The following SLX4IP variants were observed in gnomAD, a reference collection of about 807,000 sequenced individuals.
SLX4IP encodes protein SLX4IP.
In SLX4IP, 34 loss-of-function variants were observed where a neutral mutation model predicts 32.9. That is an observed-to-expected ratio of 1.03 (90% CI 0.79 to 1.38). The LOEUF is 1.38. Ranked by LOEUF, SLX4IP falls within the 40% of genes most tolerant of loss-of-function variation. The pLI is 0.00. For missense variants in SLX4IP, 444 were observed against 479.0 expected, an observed-to-expected ratio of 0.93 and a Z score of 0.68; for synonymous variants, 172 against 171.7, an observed-to-expected ratio of 1.00 and a Z score of -0.01.
At chr20:10,481,534 CT>C (rs1464394789) in intron 2 of SLX4IP, among the ~76,000 whole-genome samples, 3 of 152,138 alleles carry the variant, frequency 2.0e-5, no homozygotes, top group Non-Finnish European at 4.4e-5. Context: ...ATTATGCAAA[CT>C]TTCTCACTGT....
At chr20:10,576,824 CA>C (rs1261141800) in intron 4 of SLX4IP, among the ~76,000 whole-genome samples, 4 of 152,030 alleles carry the variant, frequency 2.6e-5, no homozygotes, top group African/African-American at 9.7e-5. Context: ...AAGGGGACAC[CA>C]AAAATATGAT....
intron 2 of SLX4IP, among the ~76,000 whole-genome samples, chr20:10,495,952 G>A (rs7264882): frequency 0.13 from 20,329 of 151,196 alleles, 1,811 homozygotes; most frequent in Non-Finnish European, 0.2. Context: ...AATTTTTAAA[G>A]ACATTTGCTT....
intron 4 of SLX4IP, among the ~76,000 whole-genome samples, chr20:10,568,464 C>T (rs1334615076): frequency 6.6e-6 from 1 of 152,186 alleles, no homozygotes; most frequent in Non-Finnish European, 1.5e-5. Flanking sequence ...CTGTAGTTCT[C>T]CAGCTGAGAG....
At chr20:10,461,238 A>G (rs759879302) in intron 2 of SLX4IP, among the ~76,000 whole-genome samples, 8 of 152,260 alleles carry the variant, frequency 5.3e-5, no homozygotes, top group Non-Finnish European at 1.2e-4. Context: ...ATCCTGGTCA[A>G]CCATGAAACT....
chr20:10,559,548 C>T (rs1301384398), intron 3 of SLX4IP, among the ~76,000 whole-genome samples: 1 of 152,154 alleles, frequency 6.6e-6, no homozygotes, highest in Non-Finnish European at 1.5e-5. Context: ...AGTTCTTATA[C>T]ATCAGTTCTT....
intron 4 of SLX4IP, among the ~76,000 whole-genome samples, chr20:10,592,276 C>T (rs1431035834): frequency 3.9e-5 from 6 of 152,002 alleles, no homozygotes; most frequent in African/African-American, 1.5e-4. Context: ...ACTAGGATCC[C>T]GTATGTATAT....
Position 10,626,940 on chromosome 20 carries a change from C to A in SLX4IP, c.*3561C>A, listed in dbSNP as rs1236705178. On this transcript the variant is annotated 3_prime_UTR_variant, in exon 8 of 8. Coordinates refer to ENST00000334534, the MANE Select transcript of SLX4IP (RefSeq NM_001009608.3). ...CAGTGTAATTGTTTGCTGTTGGTGT[C>A]ATGTTTGGATTTTAGCATGGTTTGT... 6.6e-6 allele frequency: 1 copy of A among 152,172 alleles called. No individual in the cohort carries two copies. Among genetic ancestry groups the A allele is most frequent in the Non-Finnish European group, 1.5e-5 (1 of 68,036 alleles). The allele number at this position is 152,172 out of a possible 1,614,324, so 9.4% of individuals were successfully genotyped here.
Position 10,475,368 on chromosome 20 carries a change from G to A in SLX4IP, c.27+17137G>A, listed in dbSNP as rs184744784. Among the ~76,000 whole-genome samples the A allele has an allele frequency of 1.7e-3, 253 of 152,298 alleles. 3 individuals are homozygous for A. Among genetic ancestry groups the A allele is most frequent in the Admixed American group, 0.016 (242 of 15,296 alleles). ...GTCATAATAACTAGCTTAGACTAGCGTAACTGCTAGTCAAGGCTCTTTGGA... is the reference window on the plus strand; with the variant it reads ...GTCATAATAACTAGCTTAGACTAGCATAACTGCTAGTCAAGGCTCTTTGGA... On this transcript the variant is annotated intron_variant, in intron 2 of 7. Coordinates refer to ENST00000334534, the MANE Select transcript of SLX4IP (RefSeq NM_001009608.3).
chr20:10,510,766 G>A (rs2065800408), intron 2 of SLX4IP, among the ~76,000 whole-genome samples: 1 of 152,018 alleles, frequency 6.6e-6, no homozygotes, highest in South Asian at 2.1e-4. Context: ...CACCATGCAT[G>A]TCTAACTTTT....
At chr20:10,543,529 C>G (rs1290429596) in intron 2 of SLX4IP, among the ~76,000 whole-genome samples, 1 of 152,114 alleles carries the variant, frequency 6.6e-6, no homozygotes, top group Admixed American at 6.5e-5. Flanking sequence ...AGGACTGAGC[C>G]CTGGACTCTC....
intron 6 of SLX4IP, among the ~76,000 whole-genome samples, chr20:10,611,773 T>C (rs1314895431): frequency 6.6e-6 from 1 of 152,190 alleles, no homozygotes; most frequent in Non-Finnish European, 1.5e-5. Flanking sequence ...TATTATCATC[T>C]CTCTTTTTAT....
chr20:10,496,360 T>C (rs2065667537), intron 2 of SLX4IP, among the ~76,000 whole-genome samples: 1 of 152,200 alleles, frequency 6.6e-6, no homozygotes, highest in African/African-American at 2.4e-5. Context: ...TAATTCATCA[T>C]ACACAGTAAT....
At position 10,611,547 on chromosome 20, in the gene SLX4IP, G is replaced by A. The variant is rs112822828; in HGVS notation, c.405+9728G>A. On this transcript the variant is annotated intron_variant, in intron 6 of 7. Coordinates refer to ENST00000334534, the MANE Select transcript of SLX4IP (RefSeq NM_001009608.3). The stretch of plus-strand genomic sequence containing the variant: ...TATCCTTCCAGCAGGGGGAGGTGAG[G>A]CCTCTTGCCAGGACAGCTGTGGCTG... Among the ~76,000 whole-genome samples the A allele has an allele frequency of 5.3e-3, 809 of 152,320 alleles. 12 individuals are homozygous for A. The highest frequency in any genetic ancestry group is 0.018 in the African/African-American group (753 of 41,564).
Position 10,452,653 on chromosome 20 carries a change from C to T in SLX4IP, c.-29-5523C>T, listed in dbSNP as rs1482766603. 6.7e-5 allele frequency among the ~76,000 whole-genome samples: 7 copies of T among 105,086 alleles called. No homozygotes were observed. The East Asian group carries it at 1.7e-3, about 26-fold the overall frequency. 68.9% of individuals were successfully genotyped at this position (105,086 alleles called of 152,430 possible). ...TGCACTCCAGCCTGGGCAACAAGAG[C>T]GAAACTGTCTCAAAAAAAAAAAAAA... On this transcript the variant is annotated intron_variant, in intron 1 of 7. Transcript: ENST00000334534.
At chr20:10,613,123 T>A in intron 6 of SLX4IP, 1 of 387,238 alleles carries the variant, frequency 2.6e-6, no homozygotes, top group Non-Finnish European at 4.8e-6. Flanking sequence ...CAGAACCACA[T>A]CCTAGATAAG....
intron 2 of SLX4IP, among the ~76,000 whole-genome samples, chr20:10,475,960 A>G (rs1407185005): frequency 6.6e-6 from 1 of 152,180 alleles, no homozygotes; most frequent in Non-Finnish European, 1.5e-5. Flanking sequence ...ATGAGCACTT[A>G]CAGTTTGTAG....
intron 2 of SLX4IP, among the ~76,000 whole-genome samples, chr20:10,517,781 T>G (rs1208208770): frequency 6.6e-6 from 1 of 152,132 alleles, no homozygotes; most frequent in Non-Finnish European, 1.5e-5. Flanking sequence ...GCTCAGCAGC[T>G]TTGTCAGCTT....
chr20:10,466,562 G>C (rs1306471236), intron 2 of SLX4IP, among the ~76,000 whole-genome samples: 3 of 152,110 alleles, frequency 2.0e-5, no homozygotes, highest in Non-Finnish European at 4.4e-5. Context: ...ACAGAGCCTG[G>C]CTTAGTGACA....
At chr20:10,485,395 G>T (rs998440604) in intron 2 of SLX4IP, among the ~76,000 whole-genome samples, 1 of 152,048 alleles carries the variant, frequency 6.6e-6, no homozygotes, top group African/African-American at 2.4e-5. Flanking sequence ...TTGAGGCCAG[G>T]AGTTCAAGAC....
Sources: allele counts gnomAD v4.1 joint callset (sites outside exome capture counted in the v4.1 genomes callset), GRCh38; gene constraint gnomAD v4.1.1; transcripts MANE v1.5; gene names NCBI Gene and HGNC (gene_info 2026-07-23, HGNC 2026-07-21).